SKP1: variants seen among roughly 807,000 people sequenced by gnomAD.
SKP1 encodes S-phase kinase-associated protein 1.
Under a neutral mutation model 21.5 loss-of-function variants are expected in SKP1, and 1 was observed. That is an observed-to-expected ratio of 0.05 (90% confidence interval 0.02 to 0.22). The LOEUF is 0.22. Among genes scored for constraint, SKP1 ranks in the 10% least tolerant of loss-of-function variants. The pLI is 1.00. For missense variants in SKP1, 70 were observed against 192.0 expected (o/e 0.36, Z 3.76); for synonymous variants, 59 against 59.3 (o/e 0.99, Z 0.03).
In SKP1 at chr5:134,149,181, A is replaced by G. The variant is rs1214256163; in HGVS notation, c.*8552T>C. 1 of 152,230 alleles carries G rather than the reference A, an allele frequency of 6.6e-6. No homozygotes were observed. The highest frequency in any genetic ancestry group is 1.5e-5 in the Non-Finnish European group (1 of 68,054). The allele number at this position is 152,230 out of a possible 1,614,324, so 9.4% of individuals were successfully genotyped here. ...CACCCAAACAGTGTACTGTGCACGT[A>G]AGTAGTGTACATTGTACTCAACAGG... On this transcript the variant is annotated 3_prime_UTR_variant, in exon 6 of 6. Coordinates refer to ENST00000353411, the MANE Select transcript of SKP1 (RefSeq NM_170679.3).
Position 134,149,418 on chromosome 5 carries a change from A to T in SKP1, c.*8315T>A, listed in dbSNP as rs1328827899. 6.6e-6 allele frequency: 1 copy of T among 152,252 alleles called. No homozygotes were observed. Among genetic ancestry groups the T allele is most frequent in the Non-Finnish European group, 1.5e-5 (1 of 68,042 alleles). 9.4% of individuals were successfully genotyped at this position (152,252 alleles called of 1,614,324 possible). On this transcript the variant is annotated 3_prime_UTR_variant, in exon 6 of 6. Transcript: ENST00000353411. ...TGAAGGCACCTCAATAGGTCAGTCAACAAGTAGATGATACATGTCAGGCAA... is the reference window on the plus strand; with the variant it reads ...TGAAGGCACCTCAATAGGTCAGTCATCAAGTAGATGATACATGTCAGGCAA...
At chr5:134,169,817 T>A (rs1761405331) in intron 2 of SKP1, among the ~76,000 whole-genome samples, 1 of 151,972 alleles carries the variant, frequency 6.6e-6, no homozygotes, top group South Asian at 2.1e-4. Flanking sequence ...CTGACCAACA[T>A]GGTGAAAACC....
At chr5:134,164,322 GAAAAAAAA>G (rs55637997) in intron 3 of SKP1, among the ~76,000 whole-genome samples, 20 of 122,122 alleles carry the variant, frequency 1.6e-4, no homozygotes, top group South Asian at 1.5e-3. Context: ...TCCATCTCAA[GAAAAAAAA>G]AAAAAAAAAA....
chr5:134,164,046 G>A (rs574581778), intron 3 of SKP1, among the ~76,000 whole-genome samples: 3 of 152,038 alleles, frequency 2.0e-5, no homozygotes, highest in South Asian at 4.1e-4. Flanking sequence ...TTCGGCCAGG[G>A]ATGGTGACTC....
chr5:134,171,810 T>G (rs572728352), intron 2 of SKP1, among the ~76,000 whole-genome samples: 1 of 152,276 alleles, frequency 6.6e-6, no homozygotes, highest in African/African-American at 2.4e-5. Flanking sequence ...TTTGGGAGGC[T>G]GAGGTGGGCG....
intron 3 of SKP1, among the ~76,000 whole-genome samples, chr5:134,164,660 T>C (rs1056204777): frequency 6.6e-6 from 1 of 152,160 alleles, no homozygotes; most frequent in Non-Finnish European, 1.5e-5. Flanking sequence ...AATACGTTAA[T>C]TGCAAGACAT....
rs1761043316 is a variant in SKP1 at position 134,151,568 on chromosome 5, A to G, written c.*6165T>C. 1.2e-5 allele frequency: 5 copies of G among 410,886 alleles called. No homozygotes were observed. The highest frequency in any genetic ancestry group is 5.0e-6 in the Non-Finnish European group (1 of 201,082). 25.5% of individuals were successfully genotyped at this position (410,886 alleles called of 1,614,324 possible). ...ACTTTAAGGAAATAAGCTGATCCTC[A>G]GTGTGCAATAAGAGGCTGCTATATA... On this transcript the variant is annotated 3_prime_UTR_variant, in exon 6 of 6. Transcript: ENST00000353411.
At chr5:134,169,114 C>G (rs1282269964) in intron 2 of SKP1, among the ~76,000 whole-genome samples, 1 of 152,082 alleles carries the variant, frequency 6.6e-6, no homozygotes, top group African/African-American at 2.4e-5. Context: ...GGAACCAAGT[C>G]AAGAGGGGAA....
chr5:134,176,617 T>C (rs1214459203), intron 1 of SKP1: 1 of 152,398 alleles, frequency 6.6e-6, no homozygotes, highest in African/African-American at 2.4e-5. Flanking sequence ...GGCTCACTTA[T>C]GGAGCGCCGT....
rs557066287 is a variant in SKP1, at chr5:134,149,227, C to G, written c.*8506G>C. The stretch of plus-strand genomic sequence containing the variant: ...ACAGGTAGGATTTCATACCTCATCC[C>G]CCTTTCATCTCCCACCTTTTGAAGT... On this transcript the variant is annotated 3_prime_UTR_variant, in exon 6 of 6. Transcript: ENST00000353411. The G allele has an allele frequency of 6.6e-6, 1 of 152,312 alleles. No homozygotes were observed. The highest frequency in any genetic ancestry group is 1.5e-5 in the Non-Finnish European group (1 of 68,054). The allele number at this position is 152,312 out of a possible 1,614,324, so 9.4% of individuals were successfully genotyped here.
rs1255795120 is a variant in SKP1 at position 134,150,616 on chromosome 5, A to ATC, written c.*7115_*7116dup. On this transcript the variant is annotated 3_prime_UTR_variant, in exon 6 of 6. Transcript: ENST00000353411. ...GAGAGTCCTTAACTGCGACTCTCAG[A>ATC]TCTCTTCAGAGCATTTTTTAAGCTC... is the stretch of plus-strand genomic sequence containing the variant. The ATC allele has an allele frequency of 1.3e-5, 2 of 152,208 alleles. No individual in the cohort carries two copies. The highest frequency in any genetic ancestry group is 2.9e-5 in the Non-Finnish European group (2 of 68,038). The allele number at this position is 152,208 out of a possible 1,614,324, so 9.4% of individuals were successfully genotyped here. A position where few individuals can be genotyped will look rare whatever the true frequency, so the allele number is the denominator to read the frequency against.
chr5:134,174,019 G>A lies in SKP1; in HGVS notation c.4C>T (p.Pro2Ser), dbSNP rs201893651. Residue 2 changes from proline to serine, a missense_variant, in exon 2 of 6, where the codon CCT becomes TCT. Physicochemically the swap from Pro to Ser is moderately conservative, Grantham distance 74 (BLOSUM62 -1). Around this residue, in one of 4 missense-constraint regions of SKP1, gnomAD observed 21 missense variants for 23.4 expected, o/e 0.90. Transcript: ENST00000353411. M[P>S]SIKLQSSDGE... ...TCAGAACTCTGCAACTTAATTGAAG[G>A]CATCTAAAAAAAAAGGACATTAAAT... 6.3e-7 allele frequency: 1 copy of A among 1,579,320 alleles called. No homozygotes were observed. The highest frequency in any genetic ancestry group is 1.4e-5 in the African/African-American group (1 of 72,900).
rs1052062997 is a variant in SKP1 at position 134,149,827 on chromosome 5, A to C, written c.*7906T>G. ...TGTATTGGCGGGGAAGTCTTTGGCA[A>C]CTCTGTTTAAATCAGATCAGCTTTT... On this transcript the variant is annotated 3_prime_UTR_variant, in exon 6 of 6. Coordinates refer to ENST00000353411, the MANE Select transcript of SKP1 (RefSeq NM_170679.3). 5.3e-5 allele frequency: 8 copies of C among 150,110 alleles called. No individual in the cohort carries two copies. Among genetic ancestry groups the C allele is most frequent in the Admixed American group, 2.0e-4 (3 of 15,060 alleles). 9.3% of individuals were successfully genotyped at this position (150,110 alleles called of 1,614,324 possible).
intron 3 of SKP1, among the ~76,000 whole-genome samples, chr5:134,165,087 G>A (rs891134012): frequency 1.3e-5 from 2 of 151,532 alleles, no homozygotes; most frequent in African/African-American, 2.4e-5. Context: ...AGGGTGTACC[G>A]AAATTGGAAG....
In SKP1 at chr5:134,151,669, G is replaced by C. The variant is rs1259191952; in HGVS notation, c.*6064C>G. The C allele has an allele frequency of 2.2e-6, 1 of 456,060 alleles. No individual in the cohort carries two copies. Among genetic ancestry groups the C allele is most frequent in the African/African-American group, 2.0e-5 (1 of 50,058 alleles). The allele number at this position is 456,060 out of a possible 1,614,324, so 28.3% of individuals were successfully genotyped here. On this transcript the variant is annotated 3_prime_UTR_variant, in exon 6 of 6. Coordinates refer to ENST00000353411, the MANE Select transcript of SKP1 (RefSeq NM_170679.3). ...AAATACTTCCAGAAAATTTAAAGTT[G>C]ACAGATATCAGAAGGTCGCAAGAAC...
chr5:134,168,391 G>T (rs1375851291), intron 2 of SKP1, among the ~76,000 whole-genome samples: 3 of 152,102 alleles, frequency 2.0e-5, no homozygotes, highest in Admixed American at 2.0e-4. Context: ...GCACAAAACA[G>T]ATCATGCAGC....
At chr5:134,161,733 A>G (rs997961476) in intron 3 of SKP1, 4 of 152,268 alleles carry the variant, frequency 2.6e-5, no homozygotes, top group African/African-American at 9.6e-5. Flanking sequence ...TATTGTAACC[A>G]GCAAATTCCA....
chr5:134,170,509 C>T (rs2149376677), intron 2 of SKP1, among the ~76,000 whole-genome samples: 1 of 152,302 alleles, frequency 6.6e-6, no homozygotes, highest in Non-Finnish European at 1.5e-5. Flanking sequence ...TCTGATTGTC[C>T]TGTGGATTAA....
At chr5:134,164,483 A>C (rs966601536) in intron 3 of SKP1, among the ~76,000 whole-genome samples, 1 of 151,938 alleles carries the variant, frequency 6.6e-6, no homozygotes, top group Non-Finnish European at 1.5e-5. Context: ...TGTATTTCTA[A>C]TGTTGCATAT....
Sources: gnomAD v4.1 joint callset for allele counts (sites outside exome capture counted in the v4.1 genomes callset) on GRCh38, gnomAD v4.1.1 for gene constraint, gnomAD v4.1.1 regional missense constraint, MANE v1.5 for transcripts, NCBI Gene and HGNC (gene_info 2026-07-23, HGNC 2026-07-21) for gene names.